Variants in WDR41 observed in about 807,000 individuals in gnomAD.
WDR41 encodes WD repeat domain 41.
Under a neutral mutation model 69.3 loss-of-function variants are expected in WDR41, and 63 were observed. That is an observed-to-expected ratio of 0.91 (90% CI 0.74 to 1.12). The LOEUF is 1.12. Among genes scored for constraint, WDR41 ranks in the 50% most tolerant of loss-of-function variants. WDR41 has a pLI of 0.00. For missense variants in WDR41, 543 were observed against 534.5 expected (o/e 1.02, Z -0.16); for synonymous variants, 185 against 192.1 (o/e 0.96, Z 0.31).
intron 2 of WDR41, among the ~76,000 whole-genome samples, 157 bp downstream of exon 2, chr5:77,489,300 G>C (rs1298524628): frequency 1.3e-5 from 2 of 152,056 alleles, no homozygotes; most frequent in South Asian, 2.1e-4. Context: ...ATATTTCATC[G>C]AGATGCAGAG....
At chr5:77,547,680 T>C (rs914491728) in intron 1 of WDR41, among the ~76,000 whole-genome samples, 28 of 152,182 alleles carry the variant, frequency 1.8e-4, no homozygotes, top group African/African-American at 6.3e-4. Flanking sequence ...ATGTGTAGAA[T>C]CAATATTGTG....
chr5:77,510,891 C>G (rs2112171985), intron 1 of WDR41, among the ~76,000 whole-genome samples: 1 of 150,750 alleles, frequency 6.6e-6, no homozygotes, highest in East Asian at 2.0e-4. Flanking sequence ...CCTGCTTCAG[C>G]CTCCCAAGTA....
chr5:77,536,462 A>G (rs935281358), intron 1 of WDR41, among the ~76,000 whole-genome samples: 8 of 152,180 alleles, frequency 5.3e-5, no homozygotes, highest in Admixed American at 5.2e-4. Context: ...GTGAAGATAC[A>G]GAAGTTAAAC....
intron 1 of WDR41, among the ~76,000 whole-genome samples, chr5:77,529,395 T>C (rs1204426099): frequency 1.3e-5 from 2 of 151,488 alleles, no homozygotes; most frequent in African/African-American, 4.8e-5. Context: ...AATGGAGAGA[T>C]ACACCACGTT....
intron 2 of WDR41, chr5:77,479,960 C>T (rs1801144502): frequency 6.6e-6 from 1 of 151,978 alleles, no homozygotes; most frequent in Admixed American, 6.6e-5. Flanking sequence ...CTACAATGAA[C>T]TCCAACAAAT....
intron 1 of WDR41, among the ~76,000 whole-genome samples, chr5:77,543,990 G>A (rs564196951): frequency 1.3e-5 from 2 of 152,232 alleles, no homozygotes; most frequent in East Asian, 3.9e-4. Flanking sequence ...GAAGGGCCTA[G>A]GGCCCTATCT....
At chr5:77,437,936 A>T (rs1359955339) in intron 10 of WDR41, among the ~76,000 whole-genome samples, 1 of 152,214 alleles carries the variant, frequency 6.6e-6, no homozygotes, top group African/African-American at 2.4e-5. Context: ...TATGAGAAAT[A>T]TAAAAATTGG....
At chr5:77,521,851 C>A (rs965405927) in intron 1 of WDR41, among the ~76,000 whole-genome samples, 1 of 152,120 alleles carries the variant, frequency 6.6e-6, no homozygotes, top group Non-Finnish European at 1.5e-5. Context: ...TTTATAAACT[C>A]GAAAAAATTC....
At chr5:77,489,378 A>G in intron 2 of WDR41, 79 bp downstream of exon 2, 1 of 765,546 alleles carries the variant, frequency 1.3e-6, no homozygotes, top group Non-Finnish European at 2.0e-6. Flanking sequence ...AAGATGTATT[A>G]ATTTTAAAGG....
intron 1 of WDR41, among the ~76,000 whole-genome samples, chr5:77,536,984 T>C (rs145967155): frequency 5.3e-5 from 8 of 152,342 alleles, no homozygotes; most frequent in African/African-American, 1.9e-4. Flanking sequence ...TATGGAAACC[T>C]GACTGGTAAG....
At position 77,477,182 on chromosome 5, in the gene WDR41, G is replaced by T. The variant is rs1305997684; in HGVS notation, c.167+12275C>A. 2.9e-3 allele frequency among the ~76,000 whole-genome samples: 437 copies of T among 148,478 alleles called. 9 individuals carry two copies. Among genetic ancestry groups the T allele is most frequent in the African/African-American group, 0.01 (402 of 38,294 alleles). On this transcript the variant is annotated intron_variant, in intron 2 of 12. Transcript: ENST00000296679. ...CACCCAGATGAATAAAGCAAGTCCT[G>T]AGTGACCTACAAAGAGACTTAGACT...
chr5:77,525,538 A>G (rs1173643383), intron 1 of WDR41, among the ~76,000 whole-genome samples: 1 of 152,120 alleles, frequency 6.6e-6, no homozygotes, highest in East Asian at 1.9e-4. Flanking sequence ...GAAAACAGGA[A>G]CCACAAAAAA....
chr5:77,598,220 T>C (rs1449767362), intron 1 of WDR41, among the ~76,000 whole-genome samples: 1 of 152,180 alleles, frequency 6.6e-6, no homozygotes, highest in Non-Finnish European at 1.5e-5. Context: ...TTGATAACAA[T>C]ATCAAAAGTT....
intron 1 of WDR41, among the ~76,000 whole-genome samples, chr5:77,570,488 A>G (rs1743715317): frequency 6.7e-6 from 1 of 148,222 alleles, no homozygotes; most frequent in Admixed American, 6.9e-5. Context: ...ATTATGCTTT[A>G]CTATATATAT....
chr5:77,433,316 G>A (rs367830611), intron 12 of WDR41, 29 bp from the exon 13 acceptor site: 1 of 1,599,974 alleles, frequency 6.3e-7, no homozygotes, highest in Non-Finnish European at 8.5e-7. Flanking sequence ...CTGATTATAG[G>A]GACCCCGAAA....
intron 2 of WDR41, among the ~76,000 whole-genome samples, chr5:77,482,387 C>T (rs1801310362): frequency 6.6e-6 from 1 of 152,120 alleles, no homozygotes; most frequent in South Asian, 2.1e-4. Context: ...AATAAGGCTT[C>T]TATAGTACAC....
At chr5:77,486,428 C>G (rs964650809) in intron 2 of WDR41, among the ~76,000 whole-genome samples, 2 of 152,198 alleles carry the variant, frequency 1.3e-5, no homozygotes, top group Non-Finnish European at 2.9e-5. Context: ...TATTCCCCCT[C>G]CCAATATTGC....
chr5:77,505,846 G>A (rs1448124685), intron 1 of WDR41, among the ~76,000 whole-genome samples: 1 of 152,186 alleles, frequency 6.6e-6, no homozygotes, highest in East Asian at 1.9e-4. Flanking sequence ...GTAGAAAGCT[G>A]AAACTGGATC....
chr5:77,523,470 G>A (rs964451366), intron 1 of WDR41, among the ~76,000 whole-genome samples: 4 of 151,950 alleles, frequency 2.6e-5, no homozygotes, highest in African/African-American at 4.8e-5. Flanking sequence ...GAGAGTTTAC[G>A]TGCTTTGCTT....
Sources: gnomAD v4.1 joint callset for allele counts (sites outside exome capture counted in the v4.1 genomes callset) on GRCh38, gnomAD v4.1.1 for gene constraint, MANE v1.5 for transcripts, NCBI Gene and HGNC (gene_info 2026-07-23, HGNC 2026-07-21) for gene names.